The following PIK3CA variants were observed in gnomAD, a reference collection of about 807,000 sequenced individuals.
PIK3CA encodes phosphatidylinositol-4,5-bisphosphate 3-kinase catalytic subunit alpha, also known as phosphatidylinositol 4,5-bisphosphate 3-kinase catalytic subunit alpha isoform.
In PIK3CA, 27 loss-of-function variants were observed where a neutral mutation model predicts 138.2. That is an observed-to-expected ratio of 0.20 (90% CI 0.14 to 0.27). The LOEUF is 0.27. Ranked by LOEUF, PIK3CA falls within the 10% of genes least tolerant of loss-of-function variation. The pLI is 1.00. For missense variants in PIK3CA, 544 were observed against 1,277.4 expected, an observed-to-expected ratio of 0.43 and a Z score of 8.75; for synonymous variants, 358 against 413.2, an observed-to-expected ratio of 0.87 and a Z score of 1.62.
intron 14 of PIK3CA, among the ~76,000 whole-genome samples, chr3:179,223,068 TTGAG>T (rs1725004293): frequency 6.6e-6 from 1 of 152,198 alleles, no homozygotes; most frequent in Non-Finnish European, 1.5e-5. Context: ...AGCAGTTACT[TTGAG>T]TGGCTTTGTG....
chr3:179,154,885 G>A (rs1723096152), intron 1 of PIK3CA, among the ~76,000 whole-genome samples: 1 of 152,098 alleles, frequency 6.6e-6, no homozygotes, highest in African/African-American at 2.4e-5. Flanking sequence ...AGCAACTTTT[G>A]TACATTATTG....
chr3:179,196,154 G>A (rs752595083), intron 1 of PIK3CA, among the ~76,000 whole-genome samples: 17 of 152,092 alleles, frequency 1.1e-4, no homozygotes, highest in Non-Finnish European at 2.2e-4. Flanking sequence ...GTAATACTTA[G>A]GGAACATATG....
At position 179,199,180 on chromosome 3, in the gene PIK3CA, AT is replaced by A; in HGVS notation, c.352+4del. 3 of 1,517,778 alleles carry A rather than the reference AT, an allele frequency of 2.0e-6. No individual in the cohort carries two copies. The highest frequency in any genetic ancestry group is 2.7e-6 in the Non-Finnish European group (3 of 1,122,908). 94.0% of individuals were successfully genotyped at this position (1,517,778 alleles called of 1,614,324 possible). On this transcript the variant is annotated splice_donor_region_variant and intron_variant, in intron 2 of 20. Coordinates refer to ENST00000263967, the MANE Select transcript of PIK3CA (RefSeq NM_006218.4). ...AAAGATCCTCAATCGAGAAATTGGT[AT>A]GATACAATATCCTATTCTAAAATGC...
At chr3:179,162,254 G>A (rs747349482) in intron 1 of PIK3CA, among the ~76,000 whole-genome samples, 8 of 152,008 alleles carry the variant, frequency 5.3e-5, no homozygotes, top group Non-Finnish European at 8.8e-5. Flanking sequence ...ATAGTTTGTT[G>A]TGGCCATATT....
intron 1 of PIK3CA, among the ~76,000 whole-genome samples, chr3:179,177,111 T>C (rs1201685866): frequency 6.6e-6 from 1 of 152,184 alleles, no homozygotes; most frequent in Non-Finnish European, 1.5e-5. Flanking sequence ...AAAATTCTTA[T>C]TGACTTGCCT....
chr3:179,226,145 T>C, intron 17 of PIK3CA, 105 bp downstream of exon 17: 1 of 620,010 alleles, frequency 1.6e-6, no homozygotes, highest in South Asian at 2.0e-5. Flanking sequence ...AAGAAATGTA[T>C]GCAGTAATTA....
chr3:179,209,530 G>A, intron 6 of PIK3CA, 65 bp from the exon 7 acceptor site: 8 of 864,586 alleles, frequency 9.3e-6, no homozygotes, highest in Non-Finnish European at 1.2e-5. Context: ...ATTTGTAGGA[G>A]TCATTTATAT....
chr3:179,173,404 C>CAAAAAAA (rs749831764), intron 1 of PIK3CA, among the ~76,000 whole-genome samples: 31 of 43,106 alleles, frequency 7.2e-4, no homozygotes, highest in Non-Finnish European at 1.1e-3. Context: ...GCTAAAAATA[C>CAAAAAAA]AAAAAAAAAA....
intron 1 of PIK3CA, among the ~76,000 whole-genome samples, chr3:179,161,484 G>A (rs1723279965): frequency 6.6e-6 from 1 of 151,812 alleles, no homozygotes; most frequent in Non-Finnish European, 1.5e-5. Flanking sequence ...ATCACTTGAG[G>A]TCAGGAGTTT....
chr3:179,203,192 G>A (rs191905762), intron 4 of PIK3CA, among the ~76,000 whole-genome samples: 3 of 151,870 alleles, frequency 2.0e-5, no homozygotes, highest in East Asian at 1.9e-4. Context: ...CGCCCGCCTC[G>A]GCCTCCCAAA....
At chr3:179,227,728 G>A (rs1190646121) in intron 17 of PIK3CA, among the ~76,000 whole-genome samples, 2 of 152,072 alleles carry the variant, frequency 1.3e-5, no homozygotes, top group African/African-American at 2.4e-5. Flanking sequence ...AGTAGCTTAC[G>A]AGAAGAACAG....
intron 1 of PIK3CA, among the ~76,000 whole-genome samples, chr3:179,197,179 C>T (rs2108383600): frequency 6.6e-6 from 1 of 152,202 alleles, no homozygotes; most frequent in East Asian, 1.9e-4. Context: ...GGTGGGATTA[C>T]AGGTGCATGC....
intron 20 of PIK3CA, chr3:179,233,519 C>A: frequency 2.5e-6 from 1 of 392,800 alleles, no homozygotes; most frequent in Non-Finnish European, 4.5e-6. Flanking sequence ...GAAAGTAATC[C>A]TTAAACTTCA....
rs781165013 is a variant in PIK3CA at position 179,230,350 on chromosome 3, A to G, written c.2910A>G (p.Glu970=). 6.2e-7 allele frequency: 1 copy of G among 1,607,212 alleles called. No homozygotes were observed. Among genetic ancestry groups the G allele is most frequent in the Non-Finnish European group, 8.5e-7 (1 of 1,177,940 alleles). ...TAGTGATTAGTAAAGGAGCCCAAGA[A>G]TGCACAAAGACAAGAGAATTTGAGA... ...FLIVISKGAQ[E]CTKTREFERF... The change falls in exon 20 of 21, where the codon GAA becomes GAG. Residue 970 remains glutamate (E), a synonymous_variant. Coordinates refer to ENST00000263967, the MANE Select transcript of PIK3CA (RefSeq NM_006218.4). This position sits in a 1 kb window ranked among gnomAD's most constrained non-coding sequence, Gnocchi z 5.4.
intron 1 of PIK3CA, among the ~76,000 whole-genome samples, chr3:179,159,503 A>G (rs931355306): frequency 6.6e-6 from 1 of 152,204 alleles, no homozygotes; most frequent in Non-Finnish European, 1.5e-5. Flanking sequence ...TGGACTTTGT[A>G]TATGCTGCCT....
intron 1 of PIK3CA, among the ~76,000 whole-genome samples, chr3:179,183,942 T>C (rs376534749): frequency 2.0e-5 from 3 of 152,220 alleles, no homozygotes; most frequent in East Asian, 3.8e-4. Context: ...TGGAAGCCAT[T>C]AGGGCCTGTG....
In PIK3CA at chr3:179,239,779, T is replaced by C. The variant is rs1381336919; in HGVS notation, c.*5415T>C. 4.8e-6 allele frequency: 2 copies of C among 418,580 alleles called. No individual in the cohort carries two copies. The highest frequency in any genetic ancestry group is 4.1e-5 in the African/African-American group (2 of 48,688). 25.9% of individuals were successfully genotyped at this position (418,580 alleles called of 1,614,324 possible). A position where few individuals can be genotyped will look rare whatever the true frequency, so the allele number is the denominator to read the frequency against. On this transcript the variant is annotated 3_prime_UTR_variant, in exon 21 of 21. Coordinates refer to ENST00000263967, the MANE Select transcript of PIK3CA (RefSeq NM_006218.4). ...TAATTGTAGCAAGTTTATTTCTCTA[T>C]ATTTTGTCATTCAGTGAATTGAAGT...
chr3:179,182,312 T>G (rs1160116223), intron 1 of PIK3CA, among the ~76,000 whole-genome samples: 1 of 152,134 alleles, frequency 6.6e-6, no homozygotes, highest in Non-Finnish European at 1.5e-5. Context: ...TGTAAGTAAT[T>G]TATTGTTTAA....
rs1159270421 is a variant in PIK3CA, at chr3:179,237,340, T to G, written c.*2976T>G. On this transcript the variant is annotated 3_prime_UTR_variant, in exon 21 of 21. Coordinates refer to ENST00000263967, the MANE Select transcript of PIK3CA (RefSeq NM_006218.4). ...AACTTAGTGTCAAAGTAATCAACTTTGAGATTTTCCCTTCTATTCTGCTTT... is the reference window on the plus strand; with the variant it reads ...AACTTAGTGTCAAAGTAATCAACTTGGAGATTTTCCCTTCTATTCTGCTTT... 1.5e-5 allele frequency: 3 copies of G among 195,878 alleles called. No individual in the cohort carries two copies. Among genetic ancestry groups the G allele is most frequent in the East Asian group, 1.6e-4 (2 of 12,536 alleles). 12.1% of individuals were successfully genotyped at this position (195,878 alleles called of 1,614,324 possible).
Sources: gnomAD v4.1 joint callset for allele counts (sites outside exome capture counted in the v4.1 genomes callset) on GRCh38, gnomAD v4.1.1 for gene constraint, Gnocchi (gnomAD v3.1) non-coding constraint, MANE v1.5 for transcripts, NCBI Gene and HGNC (gene_info 2026-07-23, HGNC 2026-07-21) for gene names.